KIFC3: variants seen among roughly 807,000 people sequenced by gnomAD.
The protein encoded by KIFC3 is kinesin family member C3.
A neutral mutation model predicts 101.8 loss-of-function variants in KIFC3; 60 were observed. The observed-to-expected ratio is 0.59, with a 90% CI of 0.48 to 0.73. The LOEUF is 0.73. Among genes scored for constraint, KIFC3 ranks in the 30% least tolerant of loss-of-function variants. The pLI is 0.00. For missense variants in KIFC3, 966 were observed against 1,137.1 expected (o/e 0.85, Z 2.16); for synonymous variants, 476 against 482.7 (o/e 0.99, Z 0.18).
chr16:57,843,652 A>AT (rs761231393), intron 1 of KIFC3, among the ~76,000 whole-genome samples: 1 of 151,948 alleles, frequency 6.6e-6, no homozygotes, highest in Non-Finnish European at 1.5e-5. Context: ...CTCTACCAAA[A>AT]TAAGACACAA....
intron 3 of KIFC3, among the ~76,000 whole-genome samples, chr16:57,782,672 G>A (rs916937427): frequency 6.6e-6 from 1 of 152,220 alleles, no homozygotes; most frequent in Non-Finnish European, 1.5e-5. Flanking sequence ...GGCTGGGCGC[G>A]GTGGCTCACG....
intron 1 of KIFC3, among the ~76,000 whole-genome samples, chr16:57,836,137 G>C (rs1432384472): frequency 6.6e-6 from 1 of 152,190 alleles, no homozygotes; most frequent in African/African-American, 2.4e-5. Flanking sequence ...CTTGTTTTGA[G>C]TCAGGGCCTC....
chr16:57,826,890 T>C (rs1483240143), intron 1 of KIFC3, among the ~76,000 whole-genome samples: 1 of 152,206 alleles, frequency 6.6e-6, no homozygotes, highest in Non-Finnish European at 1.5e-5. Context: ...ATGTGGCTGC[T>C]GAGCAGAAGT....
intron 1 of KIFC3, among the ~76,000 whole-genome samples, chr16:57,852,542 A>G (rs1446792929): frequency 6.6e-6 from 1 of 151,494 alleles, no homozygotes; most frequent in African/African-American, 2.4e-5. Flanking sequence ...ATTCCTTAAC[A>G]CCTTTCGTCT....
chr16:57,759,216 CCTG>C, intron 18 of KIFC3, 63 bp from the exon 19 acceptor site: 2 of 1,534,120 alleles, frequency 1.3e-6, no homozygotes, highest in Non-Finnish European at 1.8e-6. Flanking sequence ...CCCACAAGAC[CCTG>C]CTGCTGCTAC....
chr16:57,808,880 C>T (rs969638831), intron 1 of KIFC3, among the ~76,000 whole-genome samples: 20 of 152,194 alleles, frequency 1.3e-4, no homozygotes, highest in African/African-American at 4.6e-4. Context: ...TTGGAGCAAG[C>T]ACATAGCACC....
At chr16:57,783,378 T>C (rs938005825) in intron 3 of KIFC3, among the ~76,000 whole-genome samples, 1 of 151,770 alleles carries the variant, frequency 6.6e-6, no homozygotes, top group Non-Finnish European at 1.5e-5. Flanking sequence ...CATTGCCACC[T>C]TAATATACTT....
At chr16:57,858,465 G>T (rs1334926367) in intron 1 of KIFC3, among the ~76,000 whole-genome samples, 1 of 151,988 alleles carries the variant, frequency 6.6e-6, no homozygotes, top group Admixed American at 6.6e-5. Context: ...CCAATATAAG[G>T]TCCGTGAACC....
At chr16:57,759,983 G>A in intron 17 of KIFC3, 147 bp from the exon 18 acceptor site, 4 of 637,936 alleles carry the variant, frequency 6.3e-6, no homozygotes, top group Non-Finnish European at 1.1e-5. Context: ...CCCAGCCTCA[G>A]TTATGGCAAG....
rs1404811459 is a variant in KIFC3, at chr16:57,847,472, GGT to G, written c.108+15255_108+15256del. Among the ~76,000 whole-genome samples, 17 of 152,176 alleles carry G rather than the reference GGT, an allele frequency of 1.1e-4. No individual in the cohort carries two copies. In the South Asian group the frequency reaches 3.5e-3, roughly 32 times the overall value. ...TGAAAAAATTGTAGGACATGCAGCTGGTGTCACAGAGAATTTATTGGTGTGGG... is the reference window on the plus strand; with the variant it reads ...TGAAAAAATTGTAGGACATGCAGCTGGTCACAGAGAATTTATTGGTGTGGG... On this transcript the variant is annotated intron_variant, in intron 1 of 2. Transcript: ENST00000563028.
chr16:57,832,316 A>C (rs2055597978), intron 1 of KIFC3, among the ~76,000 whole-genome samples: 13 of 119,812 alleles, frequency 1.1e-4, no homozygotes, highest in South Asian at 5.7e-4. Context: ...CCACGGCGCC[A>C]GGCCCTTTTT....
At chr16:57,815,377 T>G in intron 1 of KIFC3, 1 of 1,101,572 alleles carries the variant, frequency 9.1e-7, no homozygotes, top group Non-Finnish European at 1.1e-6. Flanking sequence ...TACATCTCTG[T>G]GCTTAGAGAT....
intron 6 of KIFC3, 42 bp downstream of exon 6, chr16:57,771,156 G>C: frequency 6.2e-7 from 1 of 1,601,788 alleles, no homozygotes; most frequent in Non-Finnish European, 8.5e-7. Flanking sequence ...CAGGTGCCAG[G>C]GGCCTTGGGC....
chr16:57,800,688 A>G (rs1555625257), intron 1 of KIFC3, among the ~76,000 whole-genome samples: 1 of 152,202 alleles, frequency 6.6e-6, no homozygotes, highest in Non-Finnish European at 1.5e-5. Context: ...CCAGGAAGAT[A>G]TCGGGAAGAA....
intron 1 of KIFC3, among the ~76,000 whole-genome samples, chr16:57,858,593 C>A (rs1449918826): frequency 3.3e-5 from 5 of 152,076 alleles, no homozygotes; most frequent in Non-Finnish European, 7.3e-5. Context: ...CTTTCTATAT[C>A]TCACCAATTC....
intron 3 of KIFC3, among the ~76,000 whole-genome samples, chr16:57,787,008 T>G (rs1389449497): frequency 2.0e-5 from 3 of 152,180 alleles, no homozygotes; most frequent in Non-Finnish European, 4.4e-5. Flanking sequence ...GGTTGGGTGG[T>G]GACCCTGGCT....
chr16:57,759,465 G>C, intron 18 of KIFC3: 1 of 579,834 alleles, frequency 1.7e-6, no homozygotes, highest in Non-Finnish European at 3.1e-6. Context: ...TCCCAGGGTA[G>C]AGTCAGCACC....
In KIFC3 at chr16:57,769,980, G is replaced by A. The variant is rs1555606416; in HGVS notation, c.940-25C>T. On this transcript the variant is annotated intron_variant, in intron 7 of 19. Coordinates refer to ENST00000445690, the MANE Select transcript of KIFC3 (RefSeq NM_001130100.2). This position sits in a 1 kb window ranked among gnomAD's most constrained non-coding sequence, Gnocchi z 4.3. ...TCTGGCCAGACCAGGAAAAGGCTCA[G>A]TACCTCGAGGTGCGGGAGAGAGAGG... 3 of 1,603,516 alleles carry A rather than the reference G, an allele frequency of 1.9e-6. No homozygotes were observed. The highest frequency in any genetic ancestry group is 1.7e-4 in the Middle Eastern group (1 of 6,050).
intron 1 of KIFC3, among the ~76,000 whole-genome samples, chr16:57,862,183 C>T (rs2149343204): frequency 7.4e-6 from 1 of 135,414 alleles, no homozygotes; most frequent in South Asian, 2.4e-4. Flanking sequence ...GTGCTTACCA[C>T]TACATCTGGC....
Sources: gnomAD v4.1 joint callset for allele counts (sites outside exome capture counted in the v4.1 genomes callset) on GRCh38, gnomAD v4.1.1 for gene constraint, Gnocchi (gnomAD v3.1) non-coding constraint, MANE v1.5 for transcripts, NCBI Gene and HGNC (gene_info 2026-07-23, HGNC 2026-07-21) for gene names.